The following LYPD6 variants were observed in gnomAD, a reference collection of about 807,000 sequenced individuals.
The protein encoded by LYPD6 is ly6/PLAUR domain-containing protein 6.
In LYPD6, 15 loss-of-function variants were observed where a neutral mutation model predicts 22.7. That is an observed-to-expected ratio of 0.66 (90% CI 0.44 to 1.02). LYPD6 has a LOEUF of 1.02. Ranked by LOEUF, LYPD6 falls within the 50% of genes least tolerant of loss-of-function variation. The probability of loss-of-function intolerance (pLI) is 0.00; values close to 1 mark genes in which losing one functional copy is unlikely to be tolerated. For synonymous variants in LYPD6, 72 were observed against 77.5 expected (o/e 0.93, Z 0.37); for missense variants, 189 against 208.4 (o/e 0.91, Z 0.57).
At chr2:149,355,956 C>T (rs72991464) in intron 1 of LYPD6, among the ~76,000 whole-genome samples, 3,304 of 151,714 alleles carry the variant, frequency 0.022, 98 homozygotes, top group African/African-American at 0.075. Context: ...ATTTTTATGG[C>T]GATGAACTGT....
rs150372263 is a variant in LYPD6, at chr2:149,417,310, A to C, written c.-71-20328A>C. On this transcript the variant is annotated intron_variant, in intron 1 of 4. Transcript: ENST00000334166. The stretch of plus-strand genomic sequence containing the variant: ...GCTCTATACTGCCTTGTATATACTG[A>C]TAAAGCATTTAGACTTTATCCTGTG... 3.3e-3 allele frequency among the ~76,000 whole-genome samples: 504 copies of C among 152,330 alleles called. 2 individuals are homozygous for C. The highest frequency in any genetic ancestry group is 0.011 in the African/African-American group (471 of 41,576).
At chr2:149,485,346 T>G in the LYPD6 span, among the ~76,000 whole-genome samples, 1 of 152,132 alleles carries the variant, frequency 6.6e-6, no homozygotes. Context: ...AATTGCAACT[T>G]TCTTATCAAT....
chr2:149,437,728 T>TGGCCTGGCTCCTGCTCC lies in LYPD6; in HGVS notation c.21_37dup (p.Leu13ArgfsTer7), dbSNP rs756075383. 3 of 1,614,180 alleles carry TGGCCTGGCTCCTGCTCC rather than the reference T, an allele frequency of 1.9e-6. No individual in the cohort carries two copies. Among genetic ancestry groups the TGGCCTGGCTCCTGCTCC allele is most frequent in the Non-Finnish European group, 2.5e-6 (3 of 1,180,026 alleles). Reference sequence around the variant, plus strand: ...TCTGCCATGGAACCTGGCCCTGCTCTGGCCTGGCTCCTGCTCCTGAGCCTG... The same window carrying TGGCCTGGCTCCTGCTCC: ...TCTGCCATGGAACCTGGCCCTGCTCTGGCCTGGCTCCTGCTCCGGCCTGGCTCCTGCTCCTGAGCCTG... On this transcript the variant is annotated frameshift_variant, in exon 2 of 5. Transcript: ENST00000334166. LOFTEE classifies it high-confidence loss of function.
At position 149,401,909 on chromosome 2, in the gene LYPD6, C is replaced by G. The variant is rs764507618; in HGVS notation, c.-71-35729C>G. 7.5e-4 allele frequency among the ~76,000 whole-genome samples: 109 copies of G among 145,224 alleles called. 1 individual carries two copies. The highest frequency in any genetic ancestry group is 2.3e-3 in the African/African-American group (92 of 40,358). ...CCCAAAGTTCAATGTATCATTCTTA[C>G]GCCTTTGCATCCTCATAACTTAGCT... is the stretch of plus-strand genomic sequence containing the variant. On this transcript the variant is annotated intron_variant, in intron 1 of 4. Coordinates refer to ENST00000334166, the MANE Select transcript of LYPD6 (RefSeq NM_194317.5).
chr2:149,456,357 CA>C lies in LYPD6; in HGVS notation c.217+7211del, dbSNP rs145843885. On this transcript the variant is annotated intron_variant, in intron 3 of 4. Coordinates refer to ENST00000334166, the MANE Select transcript of LYPD6 (RefSeq NM_194317.5). ...CAAATTGAATACTCCATGTAAGCAGCACCCTGATTAAGAAATGACCAGCATC... is the reference window on the plus strand; with the variant it reads ...CAAATTGAATACTCCATGTAAGCAGCCCCTGATTAAGAAATGACCAGCATC... Among the ~76,000 whole-genome samples, 858 of 152,212 alleles carry C rather than the reference CA, an allele frequency of 5.6e-3. 9 individuals are homozygous for C. Among genetic ancestry groups the C allele is most frequent in the African/African-American group, 0.02 (838 of 41,518 alleles).
At chr2:149,374,875 T>C (rs1396269962) in intron 1 of LYPD6, among the ~76,000 whole-genome samples, 1 of 152,222 alleles carries the variant, frequency 6.6e-6, no homozygotes, top group Non-Finnish European at 1.5e-5. Context: ...TTGTTTTGTT[T>C]TGCATGCAAG....
At chr2:149,408,418 G>A (rs1339267917) in intron 1 of LYPD6, among the ~76,000 whole-genome samples, 1 of 152,118 alleles carries the variant, frequency 6.6e-6, no homozygotes, top group African/African-American at 2.4e-5. Context: ...AATTTCCCAG[G>A]TGTTCTTTGA....
At chr2:149,348,039 A>T (rs1040413360) in intron 1 of LYPD6, among the ~76,000 whole-genome samples, 1 of 146,040 alleles carries the variant, frequency 6.8e-6, no homozygotes, top group Non-Finnish European at 1.5e-5. Context: ...AACATTGCGA[A>T]ACCCTGACTC....
At chr2:149,430,900 T>G (rs1024614044) in intron 1 of LYPD6, among the ~76,000 whole-genome samples, 1 of 152,228 alleles carries the variant, frequency 6.6e-6, no homozygotes, top group Admixed American at 6.5e-5. Context: ...ACTTTGCCTC[T>G]GACTGATGTA....
chr2:149,406,214 A>T (rs1260028886), intron 1 of LYPD6, among the ~76,000 whole-genome samples: 38 of 151,580 alleles, frequency 2.5e-4, no homozygotes, highest in Non-Finnish European at 4.1e-4. Flanking sequence ...TATTCTGTTG[A>T]TTTGGGGTGG....
intron 1 of LYPD6, among the ~76,000 whole-genome samples, chr2:149,404,682 G>C (rs1682653546): frequency 6.6e-6 from 1 of 152,174 alleles, no homozygotes; most frequent in Non-Finnish European, 1.5e-5. Context: ...TCTGCAAACA[G>C]GGACAATTTG....
chr2:149,464,581 A>G (rs1681161319), intron 3 of LYPD6: 1 of 153,112 alleles, frequency 6.5e-6, no homozygotes, highest in Non-Finnish European at 1.5e-5. Context: ...CTTGACACAC[A>G]GCTTCGGGAG....
intron 1 of LYPD6, among the ~76,000 whole-genome samples, chr2:149,383,773 A>G (rs1364104999): frequency 6.6e-6 from 1 of 152,154 alleles, no homozygotes; most frequent in Non-Finnish European, 1.5e-5. Flanking sequence ...TTTCCTAGTA[A>G]CTGATGATAT....
chr2:149,370,535 A>G (rs1681784770), intron 1 of LYPD6: 1 of 152,142 alleles, frequency 6.6e-6, no homozygotes, highest in African/African-American at 2.4e-5. Flanking sequence ...GCAACAAGGC[A>G]CTATTTTGGA....
chr2:149,414,461 G>A (rs559784568), intron 1 of LYPD6, among the ~76,000 whole-genome samples: 4 of 152,146 alleles, frequency 2.6e-5, no homozygotes, highest in African/African-American at 9.6e-5. Context: ...TTGAAAGATG[G>A]TACTATTCTT....
chr2:149,414,603 C>T (rs1019805979), intron 1 of LYPD6, among the ~76,000 whole-genome samples: 2 of 152,168 alleles, frequency 1.3e-5, no homozygotes, highest in African/African-American at 4.8e-5. Context: ...AGGATCAACT[C>T]TTATACAAAT....
intron 1 of LYPD6, among the ~76,000 whole-genome samples, chr2:149,347,904 C>T (rs1388728439): frequency 6.6e-6 from 1 of 151,716 alleles, no homozygotes; most frequent in Non-Finnish European, 1.5e-5. Context: ...TTTTCTGGGC[C>T]CTACCCAGGG....
chr2:149,352,817 T>A (rs539657878), intron 1 of LYPD6, among the ~76,000 whole-genome samples: 38 of 152,314 alleles, frequency 2.5e-4, no homozygotes, highest in African/African-American at 8.7e-4. Flanking sequence ...ATATGTAAAA[T>A]CCTTTTTAAT....
chr2:149,435,621 A>G (rs1683413956), intron 1 of LYPD6, among the ~76,000 whole-genome samples: 1 of 152,248 alleles, frequency 6.6e-6, no homozygotes, highest in Admixed American at 6.5e-5. Flanking sequence ...TGTCTCTGTC[A>G]CTTGGCTGCT....
Sources: gnomAD v4.1 joint callset for allele counts (sites outside exome capture counted in the v4.1 genomes callset) on GRCh38, gnomAD v4.1.1 for gene constraint, MANE v1.5 for transcripts, NCBI Gene and HGNC (gene_info 2026-07-23, HGNC 2026-07-21) for gene names.